Variants in GRID2 observed in about 807,000 individuals in gnomAD.
GRID2 encodes the protein glutamate receptor ionotropic, delta-2.
GRID2 carries 33 observed loss-of-function variants against 114.8 expected under a neutral mutation model. The observed-to-expected ratio is 0.29, with a 90% CI of 0.22 to 0.38. The LOEUF is 0.38. Among genes scored for constraint, GRID2 ranks in the 10% least tolerant of loss-of-function variants. GRID2 has a pLI of 1.00. For synonymous variants in GRID2, 505 were observed against 449.9 expected, an observed-to-expected ratio of 1.12 and a Z score of -1.55; for missense variants, 1,184 against 1,257.7, an observed-to-expected ratio of 0.94 and a Z score of 0.89.
At chr4:92,639,985 A>G (rs1431806086) in intron 2 of GRID2, among the ~76,000 whole-genome samples, 3 of 151,718 alleles carry the variant, frequency 2.0e-5, no homozygotes, top group Non-Finnish European at 4.4e-5. Context: ...TCTAACACAG[A>G]CACTTCGGCT....
chr4:93,064,546 T>C (rs1262822106), intron 2 of GRID2, among the ~76,000 whole-genome samples: 2 of 151,868 alleles, frequency 1.3e-5, no homozygotes, highest in African/African-American at 4.8e-5. Flanking sequence ...TTCCATGTTG[T>C]TTCTCCTTAA....
chr4:92,953,804 G>A (rs1173680947), intron 2 of GRID2, among the ~76,000 whole-genome samples: 1 of 151,988 alleles, frequency 6.6e-6, no homozygotes, highest in Non-Finnish European at 1.5e-5. Flanking sequence ...TCACAGAAAT[G>A]TGCTTTATTT....
At chr4:93,174,397 C>T (rs553818357) in intron 4 of GRID2, among the ~76,000 whole-genome samples, 15 of 152,072 alleles carry the variant, frequency 9.9e-5, no homozygotes, top group Non-Finnish European at 1.9e-4. Flanking sequence ...GGCTTTTTTT[C>T]ACTCAGTGGA....
At chr4:93,480,739 T>C (rs1202778116) in intron 11 of GRID2, among the ~76,000 whole-genome samples, 2 of 152,040 alleles carry the variant, frequency 1.3e-5, no homozygotes, top group Non-Finnish European at 2.9e-5. Flanking sequence ...CCCAGTGTTA[T>C]CTGAGACTTC....
At chr4:92,594,345 T>C (rs909178642) in intron 2 of GRID2, among the ~76,000 whole-genome samples, 1 of 151,964 alleles carries the variant, frequency 6.6e-6, no homozygotes, top group Non-Finnish European at 1.5e-5. Context: ...AGTTACATTA[T>C]ATAAATCAAT....
chr4:93,779,967 C>A (rs576712889), intron 1 of GRID2, among the ~76,000 whole-genome samples: 1 of 152,322 alleles, frequency 6.6e-6, no homozygotes, highest in African/African-American at 2.4e-5. Context: ...TACCCAGGCC[C>A]TGCTGTGTGC....
At chr4:92,758,648 G>A (rs950932298) in intron 2 of GRID2, among the ~76,000 whole-genome samples, 2 of 152,058 alleles carry the variant, frequency 1.3e-5, no homozygotes, top group Non-Finnish European at 2.9e-5. Context: ...AGGAAAATTA[G>A]AATAAAAATA....
chr4:93,092,441 C>A (rs970725261), intron 3 of GRID2, among the ~76,000 whole-genome samples: 1 of 151,998 alleles, frequency 6.6e-6, no homozygotes, highest in East Asian at 1.9e-4. Context: ...GTGGACAACC[C>A]TCTTTGGCTT....
At chr4:92,915,711 T>C (rs906979948) in intron 2 of GRID2, among the ~76,000 whole-genome samples, 1 of 152,100 alleles carries the variant, frequency 6.6e-6, no homozygotes, top group African/African-American at 2.4e-5. Context: ...CTTTACTGCA[T>C]AGCGTGGCCA....
chr4:92,510,181 C>A (rs905674862), intron 1 of GRID2, among the ~76,000 whole-genome samples: 1 of 151,782 alleles, frequency 6.6e-6, no homozygotes, highest in Non-Finnish European at 1.5e-5. Context: ...GTGGATATAT[C>A]TTGAAGTCAG....
chr4:92,845,357 T>C (rs1359375765), intron 2 of GRID2, among the ~76,000 whole-genome samples: 1 of 152,090 alleles, frequency 6.6e-6, no homozygotes, highest in East Asian at 1.9e-4. Flanking sequence ...TAGCATTAAA[T>C]TGAGTTTTAA....
At chr4:93,068,749 G>A (rs1209172930) in intron 2 of GRID2, among the ~76,000 whole-genome samples, 2 of 151,924 alleles carry the variant, frequency 1.3e-5, no homozygotes, top group Non-Finnish European at 2.9e-5. Flanking sequence ...CTATTCTGCG[G>A]GGAGGTGTGG....
At chr4:92,332,178 A>C (rs1726924780) in intron 1 of GRID2, among the ~76,000 whole-genome samples, 1 of 152,108 alleles carries the variant, frequency 6.6e-6, no homozygotes. Flanking sequence ...AGGAAAAAAA[A>C]ATTTACTTGG....
chr4:93,077,603 A>G (rs548447502), intron 2 of GRID2, among the ~76,000 whole-genome samples: 12 of 152,290 alleles, frequency 7.9e-5, no homozygotes, highest in African/African-American at 2.6e-4. Flanking sequence ...TGCCACAATT[A>G]TGTTTAATCC....
chr4:93,516,376 A>G (rs752252447), intron 13 of GRID2, among the ~76,000 whole-genome samples: 20 of 152,100 alleles, frequency 1.3e-4, no homozygotes, highest in Non-Finnish European at 1.9e-4. Flanking sequence ...CACTGCTACT[A>G]CTATGGTCCC....
chr4:93,743,416 C>T (rs941923434), intron 14 of GRID2, among the ~76,000 whole-genome samples: 5 of 152,136 alleles, frequency 3.3e-5, no homozygotes, highest in South Asian at 4.1e-4. Flanking sequence ...TCAATGTAGA[C>T]GAAACAGCTG....
At chr4:92,811,415 G>A (rs1023077914) in intron 2 of GRID2, among the ~76,000 whole-genome samples, 15 of 151,514 alleles carry the variant, frequency 9.9e-5, no homozygotes, top group Middle Eastern at 3.4e-3. Flanking sequence ...TGTTTCTTTT[G>A]TATTTTGTCT....
chr4:92,743,211 A>T (rs1337620657), intron 2 of GRID2, among the ~76,000 whole-genome samples: 2 of 152,194 alleles, frequency 1.3e-5, no homozygotes, highest in East Asian at 1.9e-4. Context: ...CAGGAGGTCA[A>T]GGCTGCATTG....
chr4:92,695,010 A>G (rs1487045095), intron 2 of GRID2, among the ~76,000 whole-genome samples: 3 of 152,174 alleles, frequency 2.0e-5, no homozygotes, highest in Non-Finnish European at 4.4e-5. Context: ...TCTGTCACCC[A>G]GGCTGGAGTG....
Sources: gnomAD v4.1 joint callset for allele counts (sites outside exome capture counted in the v4.1 genomes callset) on GRCh38, gnomAD v4.1.1 for gene constraint, MANE v1.5 for transcripts, NCBI Gene and HGNC (gene_info 2026-07-23, HGNC 2026-07-21) for gene names.